Variants in HDHD5 observed in about 807,000 individuals in gnomAD.
HDHD5 encodes haloacid dehalogenase like hydrolase domain containing 5.
HDHD5 carries 34 observed loss-of-function variants against 35.5 expected under a neutral mutation model. That is an observed-to-expected ratio of 0.96 (90% CI 0.73 to 1.28). The LOEUF is 1.28. Among genes scored for constraint, HDHD5 ranks in the 50% most tolerant of loss-of-function variants. HDHD5 has a pLI of 0.00. For missense variants in HDHD5, 589 were observed against 560.2 expected (o/e 1.05, Z -0.52); for synonymous variants, 248 against 240.6 (o/e 1.03, Z -0.29).
chr22:17,155,478 C>A (rs1206436855), intron 1 of HDHD5, among the ~76,000 whole-genome samples: 2 of 152,132 alleles, frequency 1.3e-5, no homozygotes, highest in Non-Finnish European at 2.9e-5. Flanking sequence ...AACTCCTGAC[C>A]TCGTGATCCG....
At chr22:17,156,549 G>A (rs1471942402) in intron 1 of HDHD5, among the ~76,000 whole-genome samples, 1 of 152,022 alleles carries the variant, frequency 6.6e-6, no homozygotes, top group East Asian at 1.9e-4. Flanking sequence ...GGCCAAGGAG[G>A]GCAGATCACG....
At chr22:17,147,329 G>C (rs561581025) in intron 3 of HDHD5, among the ~76,000 whole-genome samples, 1 of 96,446 alleles carries the variant, frequency 1.0e-5, no homozygotes, top group Non-Finnish European at 2.0e-5. Flanking sequence ...TCGATCACAC[G>C]CCATCGCACA....
At chr22:17,164,693 G>A (rs183876561) in intron 1 of HDHD5, among the ~76,000 whole-genome samples, 5 of 152,276 alleles carry the variant, frequency 3.3e-5, no homozygotes, top group Non-Finnish European at 5.9e-5. Context: ...CACCTCATTG[G>A]CCAAAACTTA....
chr22:17,148,601 G>A (rs1429877619), intron 2 of HDHD5, 41 bp from the exon 3 acceptor site: 4 of 1,439,762 alleles, frequency 2.8e-6, no homozygotes, highest in Non-Finnish European at 3.9e-6. Context: ...GAGGAAGACA[G>A]AACTGTTGAG....
At position 17,144,262 on chromosome 22, in the gene HDHD5, T is replaced by C. The variant is rs192112562; in HGVS notation, c.537+762A>G. 2.8e-3 allele frequency among the ~76,000 whole-genome samples: 413 copies of C among 148,044 alleles called. 1 individual carries two copies. The highest frequency in any genetic ancestry group is 9.5e-3 in the African/African-American group (390 of 40,888). ...CGTTCGCTTCTCTGGGCTTTTTCCT[T>C]TTTTTTTTTTGAGACAGGGTCTCAC... is the stretch of plus-strand genomic sequence containing the variant. On this transcript the variant is annotated intron_variant, in intron 4 of 7. Coordinates refer to ENST00000336737, the MANE Select transcript of HDHD5 (RefSeq NM_033070.3).
At chr22:17,142,381 AT>A (rs1459313857) in intron 5 of HDHD5, 1 of 152,220 alleles carries the variant, frequency 6.6e-6, no homozygotes, top group Non-Finnish European at 1.5e-5. Flanking sequence ...ATAAACATCA[AT>A]TTTTCCAAAA....
intron 6 of HDHD5, among the ~76,000 whole-genome samples, chr22:17,140,722 T>C (rs529046278): frequency 2.6e-5 from 4 of 152,180 alleles, no homozygotes; most frequent in South Asian, 2.1e-4. Context: ...AACTGAATAA[T>C]GTGCACAGAT....
intron 3 of HDHD5, 192 bp from the exon 4 acceptor site, chr22:17,145,309 T>C (rs1376020679): frequency 2.1e-6 from 1 of 479,792 alleles, no homozygotes; most frequent in Non-Finnish European, 2.7e-6. Context: ...ACAGGTAGAG[T>C]AGAGAGGGCA....
At position 17,141,111 on chromosome 22, in the gene HDHD5, C is replaced by T. The variant is rs35702540; in HGVS notation, c.694G>A (p.Val232Ile). 1.9e-3 allele frequency: 3,089 copies of T among 1,594,554 alleles called. 41 individuals carry two copies. In the African/African-American group the frequency reaches 0.035, roughly 18 times the overall value. Residue 232 changes from valine to isoleucine, a missense_variant, in exon 6 of 8, where the codon GTC becomes ATC. Coordinates refer to ENST00000336737, the MANE Select transcript of HDHD5 (RefSeq NM_033070.3). ...LATPPYPHLP[V>I]LASNMDLLWM... is the part of the protein sequence containing the mutation. ...AGGAGATCCATGTTGCTGGCTAGGA[C>T]GGGGAGGTGGGGGTAGGGGGGTGTT...
chr22:17,138,379 GA>G, intron 7 of HDHD5, 22 bp from the exon 8 acceptor site: 1 of 1,591,136 alleles, frequency 6.3e-7, no homozygotes, highest in African/African-American at 1.4e-5. Flanking sequence ...AGCCACACCG[GA>G]AAAGGAAAAA....
intron 6 of HDHD5, among the ~76,000 whole-genome samples, chr22:17,139,625 G>A (rs913218092): frequency 6.6e-5 from 10 of 151,938 alleles, no homozygotes; most frequent in Non-Finnish European, 1.0e-4. Flanking sequence ...ATGATGGCTG[G>A]CGCTTGGGTA....
At position 17,138,311 on chromosome 22, in the gene HDHD5, A is replaced by G. The variant is rs765510949; in HGVS notation, c.982T>C (p.Tyr328His). 2.5e-5 allele frequency: 40 copies of G among 1,613,984 alleles called. No individual in the cohort carries two copies. The East Asian group carries it at 8.7e-4, about 35-fold the overall frequency. The change falls in exon 8 of 8, where the codon TAC becomes CAC. Residue 328 changes from tyrosine (Y) to histidine (H), a missense_variant. Coordinates refer to ENST00000336737, the MANE Select transcript of HDHD5 (RefSeq NM_033070.3). ...CCATCATGCGTTGCCTTCTGCAGGT[A>G]CTGGTGGAACAGGTTGGCGCCGTAT... ...DVYGANLFHQ[Y>H]LQKATHDGAP...
chr22:17,150,896 T>C (rs2061718622), intron 1 of HDHD5, among the ~76,000 whole-genome samples: 1 of 152,244 alleles, frequency 6.6e-6, no homozygotes, highest in South Asian at 2.1e-4. Flanking sequence ...GAGTGAATAA[T>C]TCACTAATAT....
intron 1 of HDHD5, among the ~76,000 whole-genome samples, chr22:17,151,438 T>A (rs2061723430): frequency 6.6e-6 from 1 of 152,122 alleles, no homozygotes; most frequent in Non-Finnish European, 1.5e-5. Flanking sequence ...GAAACAGAAA[T>A]GGCGCTACAG....
At chr22:17,144,998 A>G in intron 4 of HDHD5, 26 bp downstream of exon 4, 1 of 1,613,250 alleles carries the variant, frequency 6.2e-7, no homozygotes. Context: ...GGATGAAGAC[A>G]CAGCCCAACC....
chr22:17,154,403 C>T (rs1258953707), intron 1 of HDHD5, among the ~76,000 whole-genome samples: 1 of 150,614 alleles, frequency 6.6e-6, no homozygotes, highest in African/African-American at 2.4e-5. Context: ...TGCTTGAACT[C>T]GGGAGATGGT....
At chr22:17,165,238 C>T (rs1601411627) in exon 1 of HDHD5, 1 of 777,482 alleles carries the variant, frequency 1.3e-6, no homozygotes, top group Non-Finnish European at 2.4e-6. Flanking sequence ...AAGAACCAAG[C>T]ATACATGATT....
intron 1 of HDHD5, among the ~76,000 whole-genome samples, chr22:17,154,604 T>C (rs1282501415): frequency 7.0e-6 from 1 of 143,516 alleles, no homozygotes; most frequent in East Asian, 2.1e-4. Context: ...ATGTTCAGAA[T>C]GTCCTTATTT....
chr22:17,142,853 G>A (rs1472131284), intron 5 of HDHD5: 6 of 477,160 alleles, frequency 1.3e-5, no homozygotes, highest in Non-Finnish European at 2.2e-5. Context: ...ACCTCTAGGT[G>A]TCTTTCCACC....
Sources: allele counts gnomAD v4.1 joint callset (sites outside exome capture counted in the v4.1 genomes callset), GRCh38; gene constraint gnomAD v4.1.1; transcripts MANE v1.5; gene names NCBI Gene and HGNC (gene_info 2026-07-23, HGNC 2026-07-21).